The following CCSER1 variants were observed in gnomAD, a reference collection of about 807,000 sequenced individuals.
The protein encoded by CCSER1 is serine-rich coiled-coil domain-containing protein 1.
A neutral mutation model predicts 82.0 loss-of-function variants in CCSER1; 41 were observed. The observed-to-expected ratio is 0.50, with a 90% CI of 0.39 to 0.65. CCSER1 has a LOEUF of 0.65. Among genes scored for constraint, CCSER1 ranks in the 30% least tolerant of loss-of-function variants. The pLI is 0.00. For synonymous variants in CCSER1, 414 were observed against 383.9 expected (o/e 1.08, Z -0.92); for missense variants, 1,119 against 1,064.2 (o/e 1.05, Z -0.72).
intron 7 of CCSER1, among the ~76,000 whole-genome samples, chr4:90,748,383 T>A (rs1263654019): frequency 1.3e-5 from 2 of 151,268 alleles, no homozygotes; most frequent in Non-Finnish European, 3.0e-5. Flanking sequence ...TTTTTATGGC[T>A]GCATAGTATT....
At chr4:90,780,631 C>T in intron 7 of CCSER1, 1 of 1,383,230 alleles carries the variant, frequency 7.2e-7, no homozygotes, top group Non-Finnish European at 9.3e-7. Context: ...TTTTCTATAT[C>T]ATTATATTCA....
At chr4:90,959,192 A>T (rs905185232) in intron 9 of CCSER1, among the ~76,000 whole-genome samples, 1 of 152,204 alleles carries the variant, frequency 6.6e-6, no homozygotes, top group Non-Finnish European at 1.5e-5. Context: ...AAACAGCCTC[A>T]TTAAAAGGAA....
chr4:90,847,040 C>G (rs1160859568), intron 8 of CCSER1, among the ~76,000 whole-genome samples: 1 of 152,112 alleles, frequency 6.6e-6, no homozygotes. Context: ...AACTGTTCCC[C>G]CATTTGTAGC....
chr4:90,591,636 A>G (rs1468992871), intron 5 of CCSER1, among the ~76,000 whole-genome samples: 3 of 152,178 alleles, frequency 2.0e-5, no homozygotes, highest in Non-Finnish European at 2.9e-5. Context: ...CGATTCCTCA[A>G]GGATCTAGAA....
At position 91,107,245 on chromosome 4, in the gene CCSER1, A is replaced by G. The variant is rs187891129; in HGVS notation, c.2217+21251A>G. Among the ~76,000 whole-genome samples the G allele has an allele frequency of 1.8e-3, 271 of 152,016 alleles. 1 individual carries two copies. The highest frequency in any genetic ancestry group is 6.3e-3 in the African/African-American group (263 of 41,480). ...TTGATGTTCACACAATAATAAAATC[A>G]CCTGACAATGCATTTCTTTTTTCAT... On this transcript the variant is annotated intron_variant, in intron 10 of 10. Transcript: ENST00000509176.
intron 10 of CCSER1, among the ~76,000 whole-genome samples, chr4:91,192,129 T>A (rs1218267497): frequency 6.6e-6 from 1 of 152,230 alleles, no homozygotes; most frequent in Non-Finnish European, 1.5e-5. Flanking sequence ...TTCTTTCCTG[T>A]GAGACATTAT....
chr4:91,092,104 A>C (rs1724020456), intron 10 of CCSER1, among the ~76,000 whole-genome samples: 1 of 152,136 alleles, frequency 6.6e-6, no homozygotes, highest in South Asian at 2.1e-4. Context: ...ATCCATTTTA[A>C]TCCTGTCTCT....
chr4:91,553,465 TTA>T (rs1762256861), intron 10 of CCSER1, among the ~76,000 whole-genome samples: 1 of 149,276 alleles, frequency 6.7e-6, no homozygotes, highest in Non-Finnish European at 1.5e-5. Flanking sequence ...AAGATAGATA[TTA>T]ATTGTGTTTT....
chr4:90,791,783 C>T (rs1226586302), intron 7 of CCSER1, among the ~76,000 whole-genome samples: 2 of 150,500 alleles, frequency 1.3e-5, no homozygotes, highest in Non-Finnish European at 3.0e-5. Context: ...GATCGCGCCA[C>T]TGCACTGCAG....
At chr4:91,569,990 C>T (rs79701770) in intron 10 of CCSER1, among the ~76,000 whole-genome samples, 10,914 of 152,190 alleles carry the variant, frequency 0.072, 439 homozygotes, top group African/African-American at 0.11. Context: ...GGAAAAGGCA[C>T]TGGGTAAATA....
At chr4:90,195,970 A>G (rs1465996818) in intron 1 of CCSER1, among the ~76,000 whole-genome samples, 2 of 152,120 alleles carry the variant, frequency 1.3e-5, no homozygotes, top group Admixed American at 1.3e-4. Context: ...GGCAGATTCC[A>G]TCAGTTGAAT....
intron 8 of CCSER1, among the ~76,000 whole-genome samples, chr4:90,902,375 A>G (rs1013485316): frequency 4.6e-5 from 7 of 151,926 alleles, no homozygotes; most frequent in African/African-American, 7.3e-5. Flanking sequence ...GGCTTTTTGT[A>G]CTGCTCAAGT....
intron 10 of CCSER1, among the ~76,000 whole-genome samples, chr4:91,157,562 A>G (rs898335035): frequency 1.3e-5 from 2 of 151,944 alleles, no homozygotes; most frequent in African/African-American, 4.8e-5. Context: ...AAACTGTCTG[A>G]ACATCAAATA....
At chr4:90,531,764 C>T (rs926804994) in intron 5 of CCSER1, among the ~76,000 whole-genome samples, 26 of 152,062 alleles carry the variant, frequency 1.7e-4, no homozygotes, top group African/African-American at 5.6e-4. Flanking sequence ...CATACATACA[C>T]GCATGCATAC....
At chr4:91,295,731 G>T (rs1404625120) in intron 10 of CCSER1, among the ~76,000 whole-genome samples, 1 of 151,878 alleles carries the variant, frequency 6.6e-6, no homozygotes, top group Non-Finnish European at 1.5e-5. Context: ...CATTATTCTA[G>T]AGAAGAGTGG....
chr4:90,358,446 C>A (rs984131345), intron 3 of CCSER1, among the ~76,000 whole-genome samples: 2 of 152,072 alleles, frequency 1.3e-5, no homozygotes, highest in African/African-American at 4.8e-5. Context: ...TTAATTAGTA[C>A]ATGGAAAGTA....
At chr4:91,562,502 G>A (rs1762699823) in intron 10 of CCSER1, among the ~76,000 whole-genome samples, 1 of 151,522 alleles carries the variant, frequency 6.6e-6, no homozygotes, top group South Asian at 2.1e-4. Context: ...CAGAGCAGCT[G>A]TTGTCCTGTG....
At chr4:90,525,195 C>A (rs1194808856) in intron 5 of CCSER1, among the ~76,000 whole-genome samples, 1 of 152,012 alleles carries the variant, frequency 6.6e-6, no homozygotes. Context: ...TAAAATCAGT[C>A]CATTGTAAGT....
intron 8 of CCSER1, among the ~76,000 whole-genome samples, chr4:90,886,005 C>T (rs1205347634): frequency 6.6e-6 from 1 of 152,090 alleles, no homozygotes; most frequent in Non-Finnish European, 1.5e-5. Context: ...TCACCTCCTG[C>T]CCCCAAGAGC....
Sources: gnomAD v4.1 joint callset for allele counts (sites outside exome capture counted in the v4.1 genomes callset) on GRCh38, gnomAD v4.1.1 for gene constraint, MANE v1.5 for transcripts, NCBI Gene and HGNC (gene_info 2026-07-23, HGNC 2026-07-21) for gene names.